The following ASPSCR1 variants were observed in gnomAD, a reference collection of about 807,000 sequenced individuals.
The protein encoded by ASPSCR1 is tether containing UBX domain for GLUT4.
In ASPSCR1, 55 loss-of-function variants were observed where a neutral mutation model predicts 68.9. The observed-to-expected ratio is 0.80, with a 90% CI of 0.64 to 1.00. ASPSCR1 has a LOEUF of 1.00. Among genes scored for constraint, ASPSCR1 ranks in the 50% least tolerant of loss-of-function variants. The pLI, the probability that ASPSCR1 is intolerant of heterozygous loss-of-function variation, is 0.00. For synonymous variants in ASPSCR1, 352 were observed against 332.6 expected (o/e 1.06, Z -0.63); for missense variants, 765 against 762.2 (o/e 1.00, Z -0.04).
chr17:82,013,980 T>C (rs2043038614), intron 12 of ASPSCR1: 1 of 152,262 alleles, frequency 6.6e-6, no homozygotes, highest in Non-Finnish European at 1.5e-5. Context: ...ACCTCACTTA[T>C]CTCTTCAAAG....
chr17:82,004,983 G>C (rs1232318750), intron 7 of ASPSCR1: 3 of 152,426 alleles, frequency 2.0e-5, no homozygotes, highest in Admixed American at 2.0e-4. Context: ...CTGCTGCCCG[G>C]GGCCGGGGGT....
chr17:81,989,194 C>T (rs900303930), intron 4 of ASPSCR1, among the ~76,000 whole-genome samples: 1 of 152,176 alleles, frequency 6.6e-6, no homozygotes, highest in Non-Finnish European at 1.5e-5. Flanking sequence ...GGCGACAGAG[C>T]AAGACTCTGT....
chr17:82,004,187 C>A (rs1178121179), intron 7 of ASPSCR1, among the ~76,000 whole-genome samples: 1 of 152,238 alleles, frequency 6.6e-6, no homozygotes. Flanking sequence ...AGCCCCCAGC[C>A]TCCCTCCCCT....
chr17:82,010,442 A>T (rs934219353), intron 9 of ASPSCR1, among the ~76,000 whole-genome samples: 14 of 149,270 alleles, frequency 9.4e-5, no homozygotes, highest in Admixed American at 4.7e-4. Context: ...GGCAGGAGAA[A>T]GGCGTGAACC....
At chr17:81,997,071 G>A (rs1386839354) in intron 7 of ASPSCR1, among the ~76,000 whole-genome samples, 1 of 66,368 alleles carries the variant, frequency 1.5e-5, no homozygotes, top group African/African-American at 7.9e-5. Flanking sequence ...TTACTGAGAC[G>A]GTGGCTGTGT....
At chr17:81,997,285 A>G (rs1454535204) in intron 7 of ASPSCR1, among the ~76,000 whole-genome samples, 1 of 152,112 alleles carries the variant, frequency 6.6e-6, no homozygotes, top group African/African-American at 2.4e-5. Flanking sequence ...CATCCACTCA[A>G]CTACATGCAC....
rs2042009138 is a variant in ASPSCR1, at chr17:81,986,877, C to T, written c.374+1270C>T. Among the ~76,000 whole-genome samples, 1 of 152,122 alleles carries T rather than the reference C, an allele frequency of 6.6e-6. No homozygotes were observed. Among genetic ancestry groups the T allele is most frequent in the African/African-American group, 2.4e-5 (1 of 41,426 alleles). Reference sequence around the variant, plus strand: ...GTGGGTGAGAGCGCTGAGGTCTGCACGTCGGGTCTCAGTGGTCATGGGGAT... The same window carrying T: ...GTGGGTGAGAGCGCTGAGGTCTGCATGTCGGGTCTCAGTGGTCATGGGGAT... On this transcript the variant is annotated intron_variant, in intron 4 of 15. Transcript: ENST00000306739. The surrounding 1 kb of genome is among the most constrained non-coding windows in gnomAD (Gnocchi z 5.2).
chr17:81,983,205 C>T lies in ASPSCR1; in HGVS notation c.159-349C>T, dbSNP rs144388157. On this transcript the variant is annotated intron_variant, in intron 2 of 15. Transcript: ENST00000306739. The surrounding 1 kb of genome is among the most constrained non-coding windows in gnomAD (Gnocchi z 4.4). Reference sequence around the variant, plus strand: ...CCGGGGTCTGTGACACTCCAGCTTCCGCGAGTGCAGCAGTGTTCACGCCCC... The same window carrying T: ...CCGGGGTCTGTGACACTCCAGCTTCTGCGAGTGCAGCAGTGTTCACGCCCC... Among the ~76,000 whole-genome samples, 2,820 of 152,312 alleles carry T rather than the reference C, an allele frequency of 0.019. 79 individuals are homozygous for T. Among genetic ancestry groups the T allele is most frequent in the African/African-American group, 0.062 (2,590 of 41,554 alleles).
Position 81,983,690 on chromosome 17 carries a change from G to A in ASPSCR1, c.273+22G>A. On this transcript the variant is annotated intron_variant, in intron 3 of 15. Coordinates refer to ENST00000306739, the MANE Select transcript of ASPSCR1 (RefSeq NM_024083.4). This position sits in a 1 kb window ranked among gnomAD's most constrained non-coding sequence, Gnocchi z 4.4. ...CATGGTGGGTCGTGCTCTGGGGGAGGCTGACTGTGTGGGGCACAGGATCGT... is the reference window on the plus strand; with the variant it reads ...CATGGTGGGTCGTGCTCTGGGGGAGACTGACTGTGTGGGGCACAGGATCGT... The A allele has an allele frequency of 1.3e-6, 2 of 1,578,780 alleles. No individual in the cohort carries two copies. The highest frequency in any genetic ancestry group is 1.7e-6 in the Non-Finnish European group (2 of 1,154,680).
chr17:81,997,828 CT>C (rs372497074), intron 7 of ASPSCR1, among the ~76,000 whole-genome samples: 310 of 126,940 alleles, frequency 2.4e-3, no homozygotes, highest in Middle Eastern at 0.01. Context: ...GAGGCACCCA[CT>C]TTTTTTTTTT....
intron 4 of ASPSCR1, among the ~76,000 whole-genome samples, chr17:81,992,037 C>T (rs868765560): frequency 6.6e-6 from 1 of 152,226 alleles, no homozygotes; most frequent in Non-Finnish European, 1.5e-5. Context: ...TGGCCCTGGC[C>T]GGGTGGGGAG....
Position 81,999,552 on chromosome 17 carries a change from G to T in ASPSCR1, c.933+2706G>T, listed in dbSNP as rs1316153236. ...TGAGGCAGGAGAATCTCTTGAACCC[G>T]GGAGGCGGAGGTTGCAGTGAGCCGA... is the stretch of plus-strand genomic sequence containing the variant. On this transcript the variant is annotated intron_variant, in intron 7 of 15. Coordinates refer to ENST00000306739, the MANE Select transcript of ASPSCR1 (RefSeq NM_024083.4). This position sits in a 1 kb window ranked among gnomAD's most constrained non-coding sequence, Gnocchi z 4.4. Among the ~76,000 whole-genome samples the T allele has an allele frequency of 6.6e-6, 1 of 151,918 alleles. No homozygotes were observed. The highest frequency in any genetic ancestry group is 1.9e-4 in the East Asian group (1 of 5,194).
chr17:81,978,390 G>A (rs1441432741), intron 1 of ASPSCR1: 2 of 152,190 alleles, frequency 1.3e-5, no homozygotes, highest in African/African-American at 4.8e-5. Flanking sequence ...GCCGGGCGTG[G>A]TGGCGGGCGC....
chr17:82,011,648 G>A, intron 11 of ASPSCR1, 43 bp downstream of exon 11: 8 of 1,592,628 alleles, frequency 5.0e-6, no homozygotes, highest in Non-Finnish European at 5.1e-6. Context: ...CCAGTGCTCG[G>A]GGCCTTGGTG....
chr17:81,996,176 C>T (rs2042330598), intron 6 of ASPSCR1, 111 bp downstream of exon 6: 3 of 1,367,500 alleles, frequency 2.2e-6, no homozygotes, highest in African/African-American at 1.5e-5. Flanking sequence ...TACCCAGGCC[C>T]TCATCATGGA....
At position 81,992,399 on chromosome 17, in the gene ASPSCR1, C is replaced by G. The variant is rs148431560; in HGVS notation, c.375-2422C>G. ...AGGGAATCTGATCCCTCTGGAGGAG[C>G]CGCACATCAAAGCCGGGCTGGCGTT... On this transcript the variant is annotated intron_variant, in intron 4 of 15. Transcript: ENST00000306739. 2.5e-3 allele frequency among the ~76,000 whole-genome samples: 382 copies of G among 152,336 alleles called. 1 individual carries two copies. Among genetic ancestry groups the G allele is most frequent in the Non-Finnish European group, 4.0e-3 (275 of 68,030 alleles).
intron 4 of ASPSCR1, among the ~76,000 whole-genome samples, chr17:81,993,122 G>T (rs2042225232): frequency 1.3e-5 from 2 of 152,182 alleles, no homozygotes; most frequent in Non-Finnish European, 2.9e-5. Context: ...AGGTGTCGGG[G>T]CTGGGCCTGT....
Position 81,985,560 on chromosome 17 carries a change from T to TG in ASPSCR1, c.327_328insG (p.Ser110ValfsTer35). 2 of 1,614,078 alleles carry TG rather than the reference T, an allele frequency of 1.2e-6. No individual in the cohort carries two copies. The highest frequency in any genetic ancestry group is 1.7e-6 in the Non-Finnish European group (2 of 1,180,022). ...GCTCGAGGTTGCAGGACTCTTTCTG[T>TG]TCAGGCCAGACCCTCTGGGAGCTTC... On this transcript the variant is annotated frameshift_variant, in exon 4 of 16. Coordinates refer to ENST00000306739, the MANE Select transcript of ASPSCR1 (RefSeq NM_024083.4). LOFTEE classifies it high-confidence loss of function.
rs1393572032 is a variant in ASPSCR1, at chr17:82,012,226, C to T, written c.1301-5C>T. 4.3e-6 allele frequency: 7 copies of T among 1,613,376 alleles called. No homozygotes were observed. Among genetic ancestry groups the T allele is most frequent in the Non-Finnish European group, 5.9e-6 (7 of 1,179,804 alleles). ...TCCTAACACGTAGGTGCCTTCTCTC[C>T]TCAGTCATCACCCCTCCAAAAACAG... is the stretch of plus-strand genomic sequence containing the variant. On this transcript the variant is annotated splice_polypyrimidine_tract_variant and splice_region_variant and intron_variant, in intron 11 of 15. Transcript: ENST00000306739.
Sources: gnomAD v4.1 joint callset for allele counts (sites outside exome capture counted in the v4.1 genomes callset) on GRCh38, gnomAD v4.1.1 for gene constraint, Gnocchi (gnomAD v3.1) non-coding constraint, MANE v1.5 for transcripts, NCBI Gene and HGNC (gene_info 2026-07-23, HGNC 2026-07-21) for gene names.